Variants in CDH8 observed in about 807,000 individuals in gnomAD.
CDH8 encodes the protein cadherin 8.
A neutral mutation model predicts 68.1 loss-of-function variants in CDH8; 17 were observed. The ratio of observed to expected loss-of-function variants is 0.25; its 90% CI spans 0.17 to 0.37. The LOEUF (loss-of-function observed/expected upper bound fraction) is 0.37. CDH8 is among the 10% of genes least tolerant of loss of function. The pLI is 1.00. For missense variants in CDH8, 763 were observed against 999.3 expected (o/e 0.76, Z 3.19); for synonymous variants, 372 against 365.1 (o/e 1.02, Z -0.21).
intron 10 of CDH8, among the ~76,000 whole-genome samples, chr16:61,681,517 G>A (rs765391086): frequency 6.6e-6 from 1 of 151,026 alleles, no homozygotes; most frequent in African/African-American, 2.4e-5. Flanking sequence ...TCTGCAGCTC[G>A]TGGTGTAAAC....
At chr16:62,028,448 C>T (rs2150619880) in intron 1 of CDH8, among the ~76,000 whole-genome samples, 2 of 152,168 alleles carry the variant, frequency 1.3e-5, no homozygotes, top group Middle Eastern at 6.8e-3. Context: ...TCTATAATTG[C>T]TGGTTTCCTT....
At chr16:61,875,990 C>T (rs1266561234) in intron 3 of CDH8, among the ~76,000 whole-genome samples, 2 of 152,156 alleles carry the variant, frequency 1.3e-5, no homozygotes. Flanking sequence ...AATTCTCCTG[C>T]CTCAGCCTCC....
intron 2 of CDH8, among the ~76,000 whole-genome samples, chr16:61,939,932 G>A (rs1002351079): frequency 6.6e-6 from 1 of 152,144 alleles, no homozygotes; most frequent in South Asian, 2.1e-4. Context: ...TCCAAGTGAA[G>A]GGGACAGGAT....
chr16:61,985,733 T>G (rs1317481169), intron 2 of CDH8, among the ~76,000 whole-genome samples: 1 of 152,096 alleles, frequency 6.6e-6, no homozygotes, highest in Non-Finnish European at 1.5e-5. Flanking sequence ...CCTAAGGTGA[T>G]CTGCCCGCCT....
intron 3 of CDH8, among the ~76,000 whole-genome samples, chr16:61,865,191 G>A (rs1014116289): frequency 6.6e-6 from 1 of 152,134 alleles, no homozygotes; most frequent in Non-Finnish European, 1.5e-5. Context: ...GGACAGCACC[G>A]AAATGTATCC....
chr16:61,865,926 G>A (rs1963244864), intron 3 of CDH8, among the ~76,000 whole-genome samples: 1 of 152,156 alleles, frequency 6.6e-6, no homozygotes, highest in African/African-American at 2.4e-5. Flanking sequence ...TACGGTATGT[G>A]ACAACTACAG....
chr16:61,876,865 G>A (rs1277489721), intron 3 of CDH8, among the ~76,000 whole-genome samples: 3 of 151,856 alleles, frequency 2.0e-5, no homozygotes, highest in Non-Finnish European at 4.4e-5. Flanking sequence ...AGCATATGTG[G>A]GTCTTATAGT....
rs1352057593 is a variant in CDH8 at position 61,647,870 on chromosome 16, A to G, written c.*5738T>C. On this transcript the variant is annotated 3_prime_UTR_variant, in exon 12 of 12. Transcript: ENST00000577390. ...GACAGCATCTTGTGATATTCCTCCT[A>G]GCAACCCTCTTCTGTAATCTGTGGA... 1.4e-6 allele frequency: 1 copy of G among 699,240 alleles called. No homozygotes were observed. The highest frequency in any genetic ancestry group is 2.6e-6 in the Non-Finnish European group (1 of 382,654). The allele number at this position is 699,240 out of a possible 1,614,324, so 43.3% of individuals were successfully genotyped here.
At chr16:61,711,521 A>G (rs1964629785) in intron 10 of CDH8, 1 of 151,632 alleles carries the variant, frequency 6.6e-6, no homozygotes, top group African/African-American at 2.4e-5. Flanking sequence ...TATATCCAAC[A>G]TTTTTTACAG....
chr16:61,910,109 T>C (rs1461939639), intron 2 of CDH8, among the ~76,000 whole-genome samples: 1 of 152,158 alleles, frequency 6.6e-6, no homozygotes, highest in African/African-American at 2.4e-5. Context: ...ATTATTTTTA[T>C]ATAAGAACCC....
intron 6 of CDH8, among the ~76,000 whole-genome samples, chr16:61,820,060 A>G (rs1319198873): frequency 1.3e-5 from 2 of 152,128 alleles, no homozygotes; most frequent in Non-Finnish European, 2.9e-5. Context: ...AATTGTTTAC[A>G]TCTACCATAA....
intron 8 of CDH8, among the ~76,000 whole-genome samples, chr16:61,740,220 A>G (rs1341864823): frequency 6.6e-6 from 1 of 151,882 alleles, no homozygotes; most frequent in African/African-American, 2.4e-5. Context: ...AGTATTTTTA[A>G]TGCTGATCAC....
At chr16:61,975,885 G>A (rs1965425920) in intron 2 of CDH8, among the ~76,000 whole-genome samples, 1 of 152,172 alleles carries the variant, frequency 6.6e-6, no homozygotes, top group Non-Finnish European at 1.5e-5. Context: ...TAAGGTTTAT[G>A]TGCCTACCCA....
chr16:61,936,704 T>A (rs1371950706), intron 2 of CDH8, among the ~76,000 whole-genome samples: 1 of 152,124 alleles, frequency 6.6e-6, no homozygotes, highest in Non-Finnish European at 1.5e-5. Flanking sequence ...GTCCAGAACT[T>A]AACTGATCAG....
intron 3 of CDH8, among the ~76,000 whole-genome samples, chr16:61,898,032 T>C (rs780099222): frequency 2.0e-5 from 3 of 152,116 alleles, no homozygotes; most frequent in Non-Finnish European, 2.9e-5. Context: ...CCAGGCGCGG[T>C]GGTTCACAAC....
intron 8 of CDH8, among the ~76,000 whole-genome samples, chr16:61,783,465 T>G (rs1402199808): frequency 6.6e-6 from 1 of 151,816 alleles, no homozygotes; most frequent in East Asian, 1.9e-4. Context: ...ATCTCATTGG[T>G]GTACCTGAAA....
intron 2 of CDH8, among the ~76,000 whole-genome samples, chr16:61,962,901 G>A (rs1189943773): frequency 6.6e-6 from 1 of 151,956 alleles, no homozygotes; most frequent in Non-Finnish European, 1.5e-5. Flanking sequence ...GCAAAGTTAT[G>A]TAACATCTTT....
intron 2 of CDH8, among the ~76,000 whole-genome samples, chr16:61,988,146 C>G (rs1487229249): frequency 6.6e-6 from 1 of 152,090 alleles, no homozygotes; most frequent in Non-Finnish European, 1.5e-5. Flanking sequence ...AAGAGCTGCA[C>G]TTTCCTATCT....
intron 2 of CDH8, among the ~76,000 whole-genome samples, chr16:61,923,179 T>G (rs1286869485): frequency 2.6e-5 from 4 of 152,196 alleles, no homozygotes; most frequent in Non-Finnish European, 5.9e-5. Flanking sequence ...GTTGCTTCAT[T>G]TGATTTTTCC....
Sources: allele counts gnomAD v4.1 joint callset (sites outside exome capture counted in the v4.1 genomes callset), GRCh38; gene constraint gnomAD v4.1.1; transcripts MANE v1.5; gene names NCBI Gene and HGNC (gene_info 2026-07-23, HGNC 2026-07-21).